The following SLC6A15 variants were observed in gnomAD, a reference collection of about 807,000 sequenced individuals.
The protein encoded by SLC6A15 is sodium-dependent neutral amino acid transporter B(0)AT2.
SLC6A15 carries 33 observed loss-of-function variants against 68.5 expected under a neutral mutation model. The ratio of observed to expected loss-of-function variants is 0.48; its 90% CI spans 0.37 to 0.64. The LOEUF is 0.64. SLC6A15 is among the 30% of genes least tolerant of loss of function. The pLI is 0.00. For synonymous variants in SLC6A15, 347 were observed against 301.0 expected, an observed-to-expected ratio of 1.15 and a Z score of -1.58; for missense variants, 747 against 874.3, an observed-to-expected ratio of 0.85 and a Z score of 1.84.
intron 1 of SLC6A15, among the ~76,000 whole-genome samples, chr12:84,910,937 GT>G (rs1873412480): frequency 3.5e-5 from 5 of 141,342 alleles, no homozygotes; most frequent in Non-Finnish European, 7.4e-5. Flanking sequence ...CCGTGTGTGT[GT>G]GTGTGTGTGT....
chr12:84,875,647 A>G (rs147301191), intron 6 of SLC6A15, among the ~76,000 whole-genome samples: 1 of 109,192 alleles, frequency 9.2e-6, no homozygotes, highest in African/African-American at 3.1e-5. Flanking sequence ...AGTGGGGTGC[A>G]CCATATATAT....
In SLC6A15 at chr12:84,892,279, G is replaced by T. The variant is rs1872442903; in HGVS notation, c.-159C>A. The T allele has an allele frequency of 8.0e-6, 5 of 627,428 alleles. No homozygotes were observed. In the South Asian group the frequency reaches 1.2e-4, roughly 15 times the overall value. 38.9% of individuals were successfully genotyped at this position (627,428 alleles called of 1,614,324 possible). A position where few individuals can be genotyped will look rare whatever the true frequency, so the allele number is the denominator to read the frequency against. The stretch of plus-strand genomic sequence containing the variant: ...AAGGTGATAAAGCCTTATGGATTCT[G>T]AATCCGTATGTCCAGTATTCTGTAG... On this transcript the variant is annotated 5_prime_UTR_variant, in exon 2 of 12. Transcript: ENST00000266682.
At chr12:84,883,320 C>A (rs1415350370) in intron 5 of SLC6A15, 3 of 988,154 alleles carry the variant, frequency 3.0e-6, no homozygotes, top group Non-Finnish European at 3.6e-6. Flanking sequence ...GATATTTAGT[C>A]TTTTACATTA....
intron 1 of SLC6A15, among the ~76,000 whole-genome samples, chr12:84,898,975 G>A (rs1416413674): frequency 6.6e-6 from 1 of 152,188 alleles, no homozygotes; most frequent in Non-Finnish European, 1.5e-5. Context: ...GTCCTGCACT[G>A]CAGTGATCTG....
At chr12:84,868,418 C>T (rs1275752363) in intron 9 of SLC6A15, among the ~76,000 whole-genome samples, 1 of 152,116 alleles carries the variant, frequency 6.6e-6, no homozygotes, top group South Asian at 2.1e-4. Flanking sequence ...CTTAAATTCT[C>T]AAGCTGGAAG....
At chr12:84,888,262 G>GAAA (rs35670280) in intron 2 of SLC6A15, among the ~76,000 whole-genome samples, 4,214 of 109,318 alleles carry the variant, frequency 0.039, 252 homozygotes, top group African/African-American at 0.13. Flanking sequence ...AGACCTTGTC[G>GAAA]AAAAAAAAAA....
intron 5 of SLC6A15, among the ~76,000 whole-genome samples, chr12:84,878,802 C>G (rs1871682628): frequency 6.6e-6 from 1 of 152,000 alleles, no homozygotes; most frequent in African/African-American, 2.4e-5. Context: ...CTGATCACCA[C>G]ACCCAGCTAA....
chr12:84,882,207 C>G, intron 5 of SLC6A15: 11 of 985,334 alleles, frequency 1.1e-5, no homozygotes, highest in Non-Finnish European at 1.2e-5. Flanking sequence ...AGTTGGTTTT[C>G]TTTCTACCAA....
Position 84,867,174 on chromosome 12 carries a change from T to C in SLC6A15, c.1515A>G (p.Ala505=), listed in dbSNP as rs1871100387. The C allele has an allele frequency of 1.2e-6, 2 of 1,602,478 alleles. No homozygotes were observed. Among genetic ancestry groups the C allele is most frequent in the Admixed American group, 1.7e-5 (1 of 58,482 alleles). Residue 505 remains alanine, a synonymous_variant, in exon 10 of 12, where the codon GCA becomes GCG. Coordinates refer to ENST00000266682, the MANE Select transcript of SLC6A15 (RefSeq NM_182767.6). ...GCACAAATATCAGGCCAATACAAAA[T>C]GCCAGAAGACAACAGATAACTAGAC... The part of the protein sequence containing the change: ...EILTVICCLL[A]FCIGLIFVQR...
Position 84,860,303 on chromosome 12 carries a change from G to C in SLC6A15, c.*1329C>G, listed in dbSNP as rs1870792148. On this transcript the variant is annotated 3_prime_UTR_variant, in exon 12 of 12. Coordinates refer to ENST00000266682, the MANE Select transcript of SLC6A15 (RefSeq NM_182767.6). Reference sequence around the variant, plus strand: ...TTTTTAACTAGAGGACACTCAGTGAGGTTCCTCTGCTCTATCCAATTTCAT... The same window carrying C: ...TTTTTAACTAGAGGACACTCAGTGACGTTCCTCTGCTCTATCCAATTTCAT... 1 of 152,058 alleles carries C rather than the reference G, an allele frequency of 6.6e-6. No homozygotes were observed. Among genetic ancestry groups the C allele is most frequent in the South Asian group, 2.1e-4 (1 of 4,824 alleles). 9.4% of individuals were successfully genotyped at this position (152,058 alleles called of 1,614,324 possible).
At chr12:84,883,570 A>C (rs756874846) in intron 5 of SLC6A15, 78 of 1,382,648 alleles carry the variant, frequency 5.6e-5, no homozygotes, top group Non-Finnish European at 5.6e-5. Flanking sequence ...GGACTAATTG[A>C]ATAAAGGGCA....
chr12:84,896,575 A>G (rs1057491271), intron 1 of SLC6A15, among the ~76,000 whole-genome samples: 1 of 152,312 alleles, frequency 6.6e-6, no homozygotes, highest in East Asian at 1.9e-4. Context: ...AGCTCACTCA[A>G]TTTGTATGGC....
intron 8 of SLC6A15, 77 bp from the exon 9 acceptor site, chr12:84,870,747 G>A (rs1022565876): frequency 3.5e-6 from 3 of 859,566 alleles, no homozygotes; most frequent in Non-Finnish European, 5.2e-6. Flanking sequence ...TTACAATGAG[G>A]AGGAAAGATC....
In SLC6A15 at chr12:84,862,008, T is replaced by A. The variant is rs1565718359; in HGVS notation, c.1819-2A>T. On this transcript the variant is annotated splice_acceptor_variant, in intron 11 of 11. Transcript: ENST00000266682. LOFTEE classifies it high-confidence loss of function. ...ATAGCTCAGAAATTCTTCAGATGCC[T>A]GTTAAAGAAGAAAATAATAATTATT... 6.4e-7 allele frequency: 1 copy of A among 1,569,198 alleles called. No homozygotes were observed. The highest frequency in any genetic ancestry group is 8.6e-7 in the Non-Finnish European group (1 of 1,163,090).
intron 5 of SLC6A15, among the ~76,000 whole-genome samples, chr12:84,878,409 A>T (rs7966593): frequency 0.042 from 6,398 of 152,200 alleles, 408 homozygotes; most frequent in African/African-American, 0.14. Context: ...GAATTAAAGT[A>T]ATCCCCTTTA....
intron 11 of SLC6A15, 140 bp from the exon 12 acceptor site, chr12:84,862,146 G>C: frequency 1.3e-6 from 1 of 793,546 alleles, no homozygotes; most frequent in Non-Finnish European, 1.9e-6. Flanking sequence ...AGCAGTAGAA[G>C]TGACACTCAG....
At position 84,875,496 on chromosome 12, in the gene SLC6A15, C is replaced by A. The variant is rs1871475902; in HGVS notation, c.867+1001G>T. On this transcript the variant is annotated intron_variant, in intron 6 of 11. Coordinates refer to ENST00000266682, the MANE Select transcript of SLC6A15 (RefSeq NM_182767.6). ...GACAAAGAATTCCAGAGAAGCTAATCCCTTATGCCCAAATCTCACAGCACA... is the reference window on the plus strand; with the variant it reads ...GACAAAGAATTCCAGAGAAGCTAATACCTTATGCCCAAATCTCACAGCACA... 4.0e-5 allele frequency among the ~76,000 whole-genome samples: 6 copies of A among 151,734 alleles called. 1 individual carries two copies. Among genetic ancestry groups the A allele is most frequent in the Admixed American group, 3.9e-4 (6 of 15,190 alleles).
chr12:84,870,796 C>A (rs1871256140), intron 8 of SLC6A15, 126 bp from the exon 9 acceptor site: 2 of 530,494 alleles, frequency 3.8e-6, no homozygotes, highest in South Asian at 3.5e-5. Flanking sequence ...TAGACATGCT[C>A]AAATCAGCTC....
At chr12:84,888,614 G>C (rs1872230486) in intron 2 of SLC6A15, among the ~76,000 whole-genome samples, 1 of 152,000 alleles carries the variant, frequency 6.6e-6, no homozygotes, top group Non-Finnish European at 1.5e-5. Context: ...ATTCAGAAGG[G>C]GAAAATTGGG....
Sources: allele counts gnomAD v4.1 joint callset (sites outside exome capture counted in the v4.1 genomes callset), GRCh38; gene constraint gnomAD v4.1.1; transcripts MANE v1.5; gene names NCBI Gene and HGNC (gene_info 2026-07-23, HGNC 2026-07-21).